Variants in ABL1 observed in about 807,000 individuals in gnomAD.
ABL1 encodes the protein ABL proto-oncogene 1, non-receptor tyrosine kinase.
A neutral mutation model predicts 94.7 loss-of-function variants in ABL1; 11 were observed. That is an observed-to-expected ratio of 0.12 (90% CI 0.07 to 0.19). ABL1 has a LOEUF of 0.19. Ranked by LOEUF, ABL1 falls within the 10% of genes least tolerant of loss-of-function variation. The pLI, the probability that ABL1 is intolerant of heterozygous loss-of-function variation, is 1.00. For synonymous variants in ABL1, 656 were observed against 622.4 expected (o/e 1.05, Z -0.80); for missense variants, 1,082 against 1,489.4 (o/e 0.73, Z 4.50).
At chr9:130,854,631 G>A (rs1270925265) in intron 2 of ABL1, among the ~76,000 whole-genome samples, 170 bp from the exon 3 acceptor site, 4 of 152,172 alleles carry the variant, frequency 2.6e-5, no homozygotes, top group African/African-American at 9.7e-5. Flanking sequence ...AGCTTCAAAT[G>A]TAAACGTGAA....
At chr9:130,827,102 C>T (rs190166162) in intron 1 of ABL1, among the ~76,000 whole-genome samples, 1 of 152,104 alleles carries the variant, frequency 6.6e-6, no homozygotes, top group Admixed American at 6.6e-5. Context: ...AAAGAAATGC[C>T]CCGTAGAGGC....
intron 1 of ABL1, among the ~76,000 whole-genome samples, chr9:130,763,810 A>G (rs1832147264): frequency 6.6e-6 from 1 of 152,206 alleles, no homozygotes; most frequent in Admixed American, 6.5e-5. Context: ...TTGGTTCCCC[A>G]GTCTACCCTA....
chr9:130,812,219 AAAAATT>A, intron 1 of ABL1, among the ~76,000 whole-genome samples: 1 of 150,730 alleles, frequency 6.6e-6, no homozygotes, highest in Non-Finnish European at 1.5e-5. Flanking sequence ...AAAAAAAAAA[AAAAATT>A]AGCCAGGTGT....
rs149892436 is a variant in ABL1, at chr9:130,797,055, G to A, written c.137-57009G>A. On this transcript the variant is annotated intron_variant, in intron 1 of 10. Transcript: ENST00000372348. ...GTTCAAGACCAGGGTGGCCAAGATG[G>A]TGAAACCTTGTCTCTACTAAAACTA... is the stretch of plus-strand genomic sequence containing the variant. 7.4e-3 allele frequency among the ~76,000 whole-genome samples: 1,121 copies of A among 150,696 alleles called. 18 individuals are homozygous for A. The highest frequency in any genetic ancestry group is 0.025 in the African/African-American group (1,038 of 41,142).
intron 1 of ABL1, among the ~76,000 whole-genome samples, chr9:130,731,911 C>CTT (rs11385919): frequency 0.014 from 2,056 of 150,120 alleles, 56 homozygotes; most frequent in African/African-American, 0.047. Context: ...TTTCAGGAAA[C>CTT]TTTTTTTTTT....
intron 1 of ABL1, among the ~76,000 whole-genome samples, chr9:130,808,247 C>CTTCTTT (rs1225434564): frequency 1.1e-4 from 10 of 95,086 alleles, no homozygotes; most frequent in African/African-American, 4.7e-4. Context: ...TCTTCTTCTT[C>CTTCTTT]TTTTTTTTTT....
chr9:130,810,759 A>G (rs1023766566), intron 1 of ABL1, among the ~76,000 whole-genome samples: 32 of 151,702 alleles, frequency 2.1e-4, no homozygotes, highest in African/African-American at 7.2e-4. Flanking sequence ...TAGAGAGAGA[A>G]AAAAAAATGG....
chr9:130,776,228 C>T (rs905146352), intron 1 of ABL1, among the ~76,000 whole-genome samples: 2 of 152,224 alleles, frequency 1.3e-5, no homozygotes, highest in Admixed American at 6.5e-5. Context: ...CAGAGCTAAA[C>T]TTTAGAGTCC....
intron 1 of ABL1, among the ~76,000 whole-genome samples, chr9:130,750,644 C>CTT (rs71389345): frequency 0.017 from 1,442 of 87,256 alleles, 169 homozygotes; most frequent in African/African-American, 0.051. Context: ...CTTTTTCTTT[C>CTT]TTTTTTTTTT....
chr9:130,785,492 T>C (rs1179253287), intron 1 of ABL1, among the ~76,000 whole-genome samples: 1 of 152,176 alleles, frequency 6.6e-6, no homozygotes, highest in African/African-American at 2.4e-5. Context: ...GAGGCTCTCC[T>C]AAGTTCTTAG....
chr9:130,798,984 A>AAAAAAAAAAAAAT, intron 1 of ABL1, among the ~76,000 whole-genome samples: 1 of 151,120 alleles, frequency 6.6e-6, no homozygotes, highest in Non-Finnish European at 1.5e-5. Flanking sequence ...AAAAAAAAAA[A>AAAAAAAAAAAAAT]GAATTGGAAG....
chr9:130,733,280 A>T (rs2132697701), intron 1 of ABL1, among the ~76,000 whole-genome samples: 1 of 152,320 alleles, frequency 6.6e-6, no homozygotes, highest in East Asian at 1.9e-4. Flanking sequence ...GTTTAGTCAA[A>T]ACAAACAACT....
At chr9:130,750,621 CT>C (rs1831950909) in intron 1 of ABL1, among the ~76,000 whole-genome samples, 1 of 137,308 alleles carries the variant, frequency 7.3e-6, no homozygotes, top group South Asian at 2.4e-4. Context: ...TAACATGGTT[CT>C]TTTTCTTTTT....
chr9:130,816,889 A>G (rs150082016), intron 1 of ABL1, among the ~76,000 whole-genome samples: 4 of 152,274 alleles, frequency 2.6e-5, no homozygotes, highest in African/African-American at 9.6e-5. Context: ...GTTTTAGTAG[A>G]GGCAGGGTTT....
chr9:130,807,904 G>A (rs560433016), intron 1 of ABL1, among the ~76,000 whole-genome samples: 53 of 151,088 alleles, frequency 3.5e-4, no homozygotes, highest in African/African-American at 1.1e-3. Flanking sequence ...CACCATGTTG[G>A]TCAGGCTGGT....
chr9:130,725,425 G>C (rs538447520), intron 1 of ABL1, among the ~76,000 whole-genome samples: 1 of 152,146 alleles, frequency 6.6e-6, no homozygotes, highest in Non-Finnish European at 1.5e-5. Context: ...TTGTTGCCCA[G>C]GCTGGAGTGC....
chr9:130,739,784 C>T (rs969628070), intron 1 of ABL1, among the ~76,000 whole-genome samples: 56 of 152,284 alleles, frequency 3.7e-4, no homozygotes, highest in African/African-American at 1.2e-3. Flanking sequence ...TGCAGTGGCT[C>T]ACGCTGCAAT....
At chr9:130,826,178 C>T (rs927197663) in intron 1 of ABL1, among the ~76,000 whole-genome samples, 4 of 150,912 alleles carry the variant, frequency 2.7e-5, no homozygotes, top group South Asian at 2.1e-4. Flanking sequence ...GAGACAGAGT[C>T]GGCGCAATTT....
At position 130,884,317 on chromosome 9, in the gene ABL1, C is replaced by G. The variant is rs977173456; in HGVS notation, c.2027C>G (p.Ser676Cys). 1 of 1,611,688 alleles carries G rather than the reference C, an allele frequency of 6.2e-7. No individual in the cohort carries two copies. Among genetic ancestry groups the G allele is most frequent in the Non-Finnish European group, 8.5e-7 (1 of 1,179,304 alleles). ...GTCCCCAATGGAGCCCTCCGGGAGT[C>G]CGGGGGCTCAGGCTTCCGGTCTCCC... The part of the protein sequence containing the change: ...AGVPNGALRE[S>C]GGSGFRSPHL... Residue 676 changes from serine (S) to cysteine (C), a missense_variant, in exon 11 of 11, where the codon TCC becomes TGC. By Grantham distance (112) the Ser-to-Cys change is moderately radical. This residue lies in a region of ABL1 where 780 missense variants were observed against 835.8 expected (regional missense o/e 0.93). Coordinates refer to ENST00000318560, the MANE Select transcript of ABL1 (RefSeq NM_005157.6). This position sits in a 1 kb window ranked among gnomAD's most constrained non-coding sequence, Gnocchi z 5.6.
Sources: allele counts gnomAD v4.1 joint callset (sites outside exome capture counted in the v4.1 genomes callset), GRCh38; gene constraint gnomAD v4.1.1; regional missense constraint gnomAD v4.1.1; non-coding constraint Gnocchi (gnomAD v3.1); transcripts MANE v1.5; gene names NCBI Gene and HGNC (gene_info 2026-07-23, HGNC 2026-07-21).